Variants in UBE2V2 observed in about 807,000 individuals in gnomAD.
The protein encoded by UBE2V2 is ubiquitin-conjugating enzyme E2 variant 2.
In UBE2V2, 9 loss-of-function variants were observed where a neutral mutation model predicts 17.2. The observed-to-expected ratio is 0.52, with a 90% confidence interval of 0.32 to 0.91. The LOEUF (loss-of-function observed/expected upper bound fraction) is 0.91. UBE2V2 is among the 40% of genes least tolerant of loss of function. The pLI is 0.04. For missense variants in UBE2V2, 133 were observed against 182.6 expected, an observed-to-expected ratio of 0.73 and a Z score of 1.56; for synonymous variants, 61 against 57.5, an observed-to-expected ratio of 1.06 and a Z score of -0.28.
chr8:48,040,487 C>G (rs961033544), intron 1 of UBE2V2, among the ~76,000 whole-genome samples: 2 of 152,240 alleles, frequency 1.3e-5, no homozygotes, highest in East Asian at 3.9e-4. Context: ...CTAAGAAGCA[C>G]ATTTTCATAT....
chr8:48,021,083 T>C (rs1284702615), intron 1 of UBE2V2, among the ~76,000 whole-genome samples: 2 of 150,924 alleles, frequency 1.3e-5, no homozygotes, highest in Non-Finnish European at 3.0e-5. Flanking sequence ...ATAGGTTTTT[T>C]TTTTTTTTTT....
chr8:48,008,329 C>G, upstream of UBE2V2: 2 of 1,315,420 alleles, frequency 1.5e-6, no homozygotes, highest in Non-Finnish European at 2.0e-6. Flanking sequence ...CGCGCTGTCC[C>G]TCGGGTCGCC....
At position 48,008,440 on chromosome 8, in the gene UBE2V2, G is replaced by A. The variant is rs376144440; in HGVS notation, c.-15G>A. On this transcript the variant is annotated 5_prime_UTR_variant, in exon 1 of 4. Coordinates refer to ENST00000523111, the MANE Select transcript of UBE2V2 (RefSeq NM_003350.3). ...GTGCGTGCGTGCGGGCGGCTGCGTC[G>A]GGCTGCAGGAGAAGATGGCGGTCTC... 8.9e-6 allele frequency: 14 copies of A among 1,565,422 alleles called. No individual in the cohort carries two copies. In the African/African-American group the frequency reaches 1.8e-4, roughly 21 times the overall value.
intron 1 of UBE2V2, among the ~76,000 whole-genome samples, chr8:48,012,586 C>T (rs1431468775): frequency 6.6e-6 from 1 of 151,830 alleles, no homozygotes; most frequent in African/African-American, 2.4e-5. Flanking sequence ...GGCGTGGTGG[C>T]ACATGCCTGT....
In UBE2V2 at chr8:48,026,153, A is replaced by G. The variant is rs141447338; in HGVS notation, c.17-16880A>G. On this transcript the variant is annotated intron_variant, in intron 1 of 3. Transcript: ENST00000523111. The stretch of plus-strand genomic sequence containing the variant: ...ACTTCCCCAAGTAGGCTGCCTCTAG[A>G]TAAAACTGTATATTATCGGGTAGGA... Among the ~76,000 whole-genome samples, 537 of 151,440 alleles carry G rather than the reference A, an allele frequency of 3.5e-3. 3 individuals are homozygous for G. Among genetic ancestry groups the G allele is most frequent in the African/African-American group, 0.012 (504 of 41,270 alleles).
At chr8:48,048,592 A>G (rs960183080) in intron 2 of UBE2V2, among the ~76,000 whole-genome samples, 1 of 152,158 alleles carries the variant, frequency 6.6e-6, no homozygotes. Context: ...GATATTATTA[A>G]TATTTGCTTG....
At chr8:48,043,416 GGGA>G in intron 2 of UBE2V2, 1 of 313,166 alleles carries the variant, frequency 3.2e-6, no homozygotes. Context: ...AGTTTAGTAA[GGGA>G]GAAAAAATCA....
chr8:48,056,826 C>G (rs951760034), intron 3 of UBE2V2, among the ~76,000 whole-genome samples: 7 of 152,196 alleles, frequency 4.6e-5, no homozygotes, highest in African/African-American at 1.7e-4. Flanking sequence ...TGGACTCAAG[C>G]AGTTCTCGTG....
intron 1 of UBE2V2, among the ~76,000 whole-genome samples, chr8:48,033,787 G>A (rs1334849076): frequency 8.6e-5 from 13 of 151,830 alleles, no homozygotes; most frequent in African/African-American, 2.4e-4. Flanking sequence ...GCAAAACCCC[G>A]TCTCTACAAA....
upstream of UBE2V2, among the ~76,000 whole-genome samples, chr8:48,003,721 A>C (rs2154506386): frequency 6.6e-6 from 1 of 152,348 alleles, no homozygotes; most frequent in African/African-American, 2.4e-5. Flanking sequence ...TACAGACTAA[A>C]AGAGCAGATC....
chr8:48,008,372 G>A (rs1347035026), upstream of UBE2V2: 1 of 1,516,244 alleles, frequency 6.6e-7, no homozygotes. Flanking sequence ...CCGCTGTGAC[G>A]CGTGCAGGGC....
At chr8:48,008,549 C>G in intron 1 of UBE2V2, 79 bp downstream of exon 1, 1 of 1,499,350 alleles carries the variant, frequency 6.7e-7, no homozygotes. Flanking sequence ...CGCCCGAGCG[C>G]TGACCGTGCG....
intron 1 of UBE2V2, among the ~76,000 whole-genome samples, chr8:48,020,432 T>C (rs908421973): frequency 1.3e-5 from 2 of 152,078 alleles, no homozygotes; most frequent in Non-Finnish European, 2.9e-5. Context: ...TATAGTTGGG[T>C]CTTGTTTTTT....
At chr8:48,038,256 C>T (rs2154507577) in intron 1 of UBE2V2, among the ~76,000 whole-genome samples, 1 of 152,288 alleles carries the variant, frequency 6.6e-6, no homozygotes, top group South Asian at 2.1e-4. Context: ...ATTTTCACTT[C>T]TTAGTCCTAG....
chr8:48,050,513 G>C (rs1327009794), intron 3 of UBE2V2: 1 of 152,348 alleles, frequency 6.6e-6, no homozygotes, highest in Non-Finnish European at 1.5e-5. Context: ...TTACAGGTAT[G>C]AGCCACTGTG....
At chr8:48,000,590 G>A in the UBE2V2 span, among the ~76,000 whole-genome samples, 9 of 151,996 alleles carry the variant, frequency 5.9e-5, no homozygotes, top group African/African-American at 1.2e-4. Flanking sequence ...GGGAGGCCGA[G>A]GTGGGCAGAT....
Position 48,050,877 on chromosome 8 carries a change from T to G in UBE2V2, c.291+899T>G, listed in dbSNP as rs1193779551. Among the ~76,000 whole-genome samples the G allele has an allele frequency of 2.8e-4, 42 of 152,098 alleles. 1 individual carries two copies. ...GTCATGGCTGAGCATCATTGTCTAT[T>G]TATTTTTGGGTTTCACTCTGTCCCC... On this transcript the variant is annotated intron_variant, in intron 3 of 3. Transcript: ENST00000523111.
intron 1 of UBE2V2, 78 bp downstream of exon 1, chr8:48,008,548 G>A: frequency 6.7e-7 from 1 of 1,498,482 alleles, no homozygotes; most frequent in Non-Finnish European, 8.9e-7. Context: ...GCGCCCGAGC[G>A]CTGACCGTGC....
chr8:48,019,679 G>A (rs1589851676), intron 1 of UBE2V2, among the ~76,000 whole-genome samples: 1 of 151,874 alleles, frequency 6.6e-6, no homozygotes, highest in African/African-American at 2.4e-5. Flanking sequence ...GCCAGGCGTG[G>A]TGGCACATGC....
Sources: gnomAD v4.1 joint callset for allele counts (sites outside exome capture counted in the v4.1 genomes callset) on GRCh38, gnomAD v4.1.1 for gene constraint, MANE v1.5 for transcripts, NCBI Gene and HGNC (gene_info 2026-07-23, HGNC 2026-07-21) for gene names.